Variants in KIRREL3 observed in about 807,000 individuals in gnomAD.
KIRREL3 encodes kirre like nephrin family adhesion molecule 3, also known as kin of IRRE-like protein 3.
Under a neutral mutation model 89.7 loss-of-function variants are expected in KIRREL3, and 36 were observed. The ratio of observed to expected loss-of-function variants is 0.40; its 90% CI spans 0.31 to 0.53. KIRREL3 has a LOEUF of 0.53. KIRREL3 is among the 20% of genes least tolerant of loss of function. The pLI is 0.49. For synonymous variants in KIRREL3, 445 were observed against 441.4 expected (o/e 1.01, Z -0.10); for missense variants, 864 against 1,056.6 (o/e 0.82, Z 2.53).
At position 126,697,910 on chromosome 11, in the gene KIRREL3, G is replaced by GTGA. The variant is rs1019521801; in HGVS notation, c.56-135001_56-134999dup. Among the ~76,000 whole-genome samples, 2 of 152,230 alleles carry GTGA rather than the reference G, an allele frequency of 1.3e-5. No homozygotes were observed. Among genetic ancestry groups the GTGA allele is most frequent in the African/African-American group, 4.8e-5 (2 of 41,464 alleles). Reference sequence around the variant, plus strand: ...AGAGTGAAGGAAGAAGAGAGGGAAAGTGATGAGAAGAGAGAGCCAGGGAGG... The same window carrying GTGA: ...AGAGTGAAGGAAGAAGAGAGGGAAAGTGATGATGAGAAGAGAGAGCCAGGGAGG... On this transcript the variant is annotated intron_variant, in intron 1 of 16. Transcript: ENST00000525144. The surrounding 1 kb of genome is among the most constrained non-coding windows in gnomAD (Gnocchi z 4.2).
Position 126,740,906 on chromosome 11 carries a change from G to A in KIRREL3, c.56-177994C>T, listed in dbSNP as rs527517635. 5.0e-4 allele frequency among the ~76,000 whole-genome samples: 76 copies of A among 152,232 alleles called. No homozygotes were observed. The highest frequency in any genetic ancestry group is 7.2e-4 in the Non-Finnish European group (49 of 68,022). ...CCATTGTTCCATGAGAGTCCCCCAT[G>A]GTAGAGTGAGTGACAAGGTTCTTGG... On this transcript the variant is annotated intron_variant, in intron 1 of 16. Transcript: ENST00000525144. This position sits in a 1 kb window ranked among gnomAD's most constrained non-coding sequence, Gnocchi z 6.0.
At chr11:126,584,288 T>A (rs1365878741) in intron 1 of KIRREL3, among the ~76,000 whole-genome samples, 1 of 152,130 alleles carries the variant, frequency 6.6e-6, no homozygotes, top group Non-Finnish European at 1.5e-5. Flanking sequence ...GGCGTTCCCA[T>A]CTCTTTGCTG....
Position 126,432,749 on chromosome 11 carries a change from A to C in KIRREL3, c.1589-1223T>G, listed in dbSNP as rs952584024. ...ATATCTGTAGGATGGGGATAATGGT[A>C]CCGGCCCCTCTGAGGGTTGTTATGG... On this transcript the variant is annotated intron_variant, in intron 13 of 16. Transcript: ENST00000525144. The surrounding 1 kb of genome is among the most constrained non-coding windows in gnomAD (Gnocchi z 6.2). Among the ~76,000 whole-genome samples, 1 of 152,052 alleles carries C rather than the reference A, an allele frequency of 6.6e-6. No homozygotes were observed. Among genetic ancestry groups the C allele is most frequent in the Non-Finnish European group, 1.5e-5 (1 of 68,006 alleles).
At position 126,990,232 on chromosome 11, in the gene KIRREL3, C is replaced by T. The variant is rs1028715393; in HGVS notation, c.55+10223G>A. On this transcript the variant is annotated intron_variant, in intron 1 of 16. Coordinates refer to ENST00000525144, the MANE Select transcript of KIRREL3 (RefSeq NM_032531.4). The surrounding 1 kb of genome is among the most constrained non-coding windows in gnomAD (Gnocchi z 6.3). ...TGTGGTGGGCTGAGCTTCCTCGCTC[C>T]CTCTCTTTGAAGCTCTCTCAAGCCC... is the stretch of plus-strand genomic sequence containing the variant. Among the ~76,000 whole-genome samples the T allele has an allele frequency of 6.6e-6, 1 of 152,162 alleles. No individual in the cohort carries two copies. Among genetic ancestry groups the T allele is most frequent in the Non-Finnish European group, 1.5e-5 (1 of 68,026 alleles).
At chr11:126,591,775 G>T (rs959152650) in intron 1 of KIRREL3, among the ~76,000 whole-genome samples, 5 of 152,190 alleles carry the variant, frequency 3.3e-5, no homozygotes, top group Non-Finnish European at 5.9e-5. Flanking sequence ...AGCTCATACC[G>T]TGTTGTCATA....
rs1225051270 is a variant in KIRREL3 at position 126,795,635 on chromosome 11, C to T, written c.55+204820G>A. Among the ~76,000 whole-genome samples the T allele has an allele frequency of 2.0e-5, 3 of 152,304 alleles. No individual in the cohort carries two copies. Among genetic ancestry groups the T allele is most frequent in the South Asian group, 2.1e-4 (1 of 4,812 alleles). Reference sequence around the variant, plus strand: ...CTGACCTCAGGTGATCCACCCTCCTCGGCCTCCCCAAGTGCCAGGATTACA... The same window carrying T: ...CTGACCTCAGGTGATCCACCCTCCTTGGCCTCCCCAAGTGCCAGGATTACA... On this transcript the variant is annotated intron_variant, in intron 1 of 16. Transcript: ENST00000525144. The surrounding 1 kb of genome is among the most constrained non-coding windows in gnomAD (Gnocchi z 4.1).
Position 126,776,221 on chromosome 11 carries a change from C to T in KIRREL3, c.56-213309G>A, listed in dbSNP as rs1206180815. On this transcript the variant is annotated intron_variant, in intron 1 of 16. Coordinates refer to ENST00000525144, the MANE Select transcript of KIRREL3 (RefSeq NM_032531.4). The surrounding 1 kb of genome is among the most constrained non-coding windows in gnomAD (Gnocchi z 4.7). The stretch of plus-strand genomic sequence containing the variant: ...GTGGCTGCTTTCAGGGGCAGCCCTA[C>T]TCTCTCTTAGGCTCCATTCATGCTC... 6.6e-6 allele frequency among the ~76,000 whole-genome samples: 1 copy of T among 152,208 alleles called. No individual in the cohort carries two copies. Among genetic ancestry groups the T allele is most frequent in the African/African-American group, 2.4e-5 (1 of 41,462 alleles).
At chr11:126,775,468 C>G (rs1396970268) in intron 1 of KIRREL3, among the ~76,000 whole-genome samples, 1 of 152,130 alleles carries the variant, frequency 6.6e-6, no homozygotes, top group East Asian at 1.9e-4. Flanking sequence ...AGTCCCAGGA[C>G]AGTGTTACTC....
At position 126,963,348 on chromosome 11, in the gene KIRREL3, G is replaced by GAC. The variant is rs1262185314; in HGVS notation, c.55+37105_55+37106dup. Among the ~76,000 whole-genome samples, 7 of 149,678 alleles carry GAC rather than the reference G, an allele frequency of 4.7e-5. No individual in the cohort carries two copies. In the East Asian group the frequency reaches 9.9e-4, roughly 21 times the overall value. Reference sequence around the variant, plus strand: ...ACACACACACACAGACACACACACAGACACACACACAGATTCTTGAAAGTT... The same window carrying GAC: ...ACACACACACACAGACACACACACAGACACACACACACAGATTCTTGAAAGTT... On this transcript the variant is annotated intron_variant, in intron 1 of 16. Coordinates refer to ENST00000525144, the MANE Select transcript of KIRREL3 (RefSeq NM_032531.4).
chr11:126,866,363 C>T (rs527243455), intron 1 of KIRREL3, among the ~76,000 whole-genome samples: 7 of 152,346 alleles, frequency 4.6e-5, no homozygotes, highest in Non-Finnish European at 2.9e-5. Flanking sequence ...CAGGTCCTCT[C>T]ACTTAGATCC....
chr11:126,658,111 G>A (rs1945238942), intron 1 of KIRREL3, among the ~76,000 whole-genome samples: 3 of 152,148 alleles, frequency 2.0e-5, no homozygotes, highest in Admixed American at 1.3e-4. Flanking sequence ...TTTAAGACTC[G>A]CAGCTTCAAT....
chr11:126,835,312 T>A (rs1326234712), intron 1 of KIRREL3, among the ~76,000 whole-genome samples: 1 of 152,238 alleles, frequency 6.6e-6, no homozygotes, highest in Non-Finnish European at 1.5e-5. Context: ...TGCTAAGGTA[T>A]AGCCAAGGAA....
At position 126,569,654 on chromosome 11, in the gene KIRREL3, G is replaced by A. The variant is rs543027317; in HGVS notation, c.56-6742C>T. Among the ~76,000 whole-genome samples the A allele has an allele frequency of 1.3e-5, 2 of 152,318 alleles. No homozygotes were observed. The highest frequency in any genetic ancestry group is 4.8e-5 in the African/African-American group (2 of 41,574). On this transcript the variant is annotated intron_variant, in intron 1 of 16. Transcript: ENST00000525144. This position sits in a 1 kb window ranked among gnomAD's most constrained non-coding sequence, Gnocchi z 6.5. The stretch of plus-strand genomic sequence containing the variant: ...GGTAAAGAAAGTCTTGAGGCAGCAC[G>A]CAAGTTATTTCTGCATGAATGGCAA...
At chr11:126,992,034 AGCTTTACACAAAT>A (rs1285001433) in intron 1 of KIRREL3, among the ~76,000 whole-genome samples, 1 of 152,206 alleles carries the variant, frequency 6.6e-6, no homozygotes, top group Non-Finnish European at 1.5e-5. Context: ...CAACTTATGA[AGCTTTACACAAAT>A]GCTAGTTATC....
chr11:126,591,207 C>T (rs920592744), intron 1 of KIRREL3, among the ~76,000 whole-genome samples: 4 of 152,162 alleles, frequency 2.6e-5, no homozygotes, highest in African/African-American at 9.7e-5. Flanking sequence ...GCCTGGGTGA[C>T]AGAGGGAGAT....
At chr11:126,950,648 T>C (rs1948750641) in intron 1 of KIRREL3, among the ~76,000 whole-genome samples, 1 of 152,244 alleles carries the variant, frequency 6.6e-6, no homozygotes, top group Non-Finnish European at 1.5e-5. Flanking sequence ...ACATTCTCCT[T>C]AATGTGGATG....
rs1490006688 is a variant in KIRREL3, at chr11:126,569,801, T to C, written c.56-6889A>G. Among the ~76,000 whole-genome samples, 1 of 152,178 alleles carries C rather than the reference T, an allele frequency of 6.6e-6. No individual in the cohort carries two copies. The highest frequency in any genetic ancestry group is 1.5e-5 in the Non-Finnish European group (1 of 68,018). The stretch of plus-strand genomic sequence containing the variant: ...CCTAGTTTTGTCTTAGTTTTGGATG[T>C]CTACCAATGGCCCTCTCATTGGTTT... On this transcript the variant is annotated intron_variant, in intron 1 of 16. Coordinates refer to ENST00000525144, the MANE Select transcript of KIRREL3 (RefSeq NM_032531.4). The surrounding 1 kb of genome is among the most constrained non-coding windows in gnomAD (Gnocchi z 6.5).
rs1344979601 is a variant in KIRREL3, at chr11:126,977,738, T to G, written c.55+22717A>C. 6.6e-6 allele frequency among the ~76,000 whole-genome samples: 1 copy of G among 152,174 alleles called. No individual in the cohort carries two copies. The highest frequency in any genetic ancestry group is 1.5e-5 in the Non-Finnish European group (1 of 68,028). ...ATTGATTTTTCCCCAACCTTCTGAA[T>G]GATCAAGCTGCTTGTAAGGCAATTA... On this transcript the variant is annotated intron_variant, in intron 1 of 16. Transcript: ENST00000525144. The surrounding 1 kb of genome is among the most constrained non-coding windows in gnomAD (Gnocchi z 4.7).
At chr11:126,439,185 G>C (rs1430203795) in intron 11 of KIRREL3, among the ~76,000 whole-genome samples, 1 of 152,036 alleles carries the variant, frequency 6.6e-6, no homozygotes, top group Non-Finnish European at 1.5e-5. Flanking sequence ...AAAAAAATTA[G>C]CTGGGTGTGG....
Sources: allele counts gnomAD v4.1 joint callset (sites outside exome capture counted in the v4.1 genomes callset), GRCh38; gene constraint gnomAD v4.1.1; non-coding constraint Gnocchi (gnomAD v3.1); transcripts MANE v1.5; gene names NCBI Gene and HGNC (gene_info 2026-07-23, HGNC 2026-07-21).